The following ATF6 variants were observed in gnomAD, a reference collection of about 807,000 sequenced individuals.
The protein encoded by ATF6 is activating transcription factor 6.
Under a neutral mutation model 83.6 loss-of-function variants are expected in ATF6, and 53 were observed. The ratio of observed to expected loss-of-function variants is 0.63; its 90% CI spans 0.51 to 0.80. The LOEUF is 0.80. Among genes scored for constraint, ATF6 ranks in the 30% least tolerant of loss-of-function variants. The pLI, the probability that ATF6 is intolerant of heterozygous loss-of-function variation, is 0.00. For synonymous variants in ATF6, 288 were observed against 285.8 expected (o/e 1.01, Z -0.08); for missense variants, 744 against 797.9 (o/e 0.93, Z 0.81).
At position 161,778,284 on chromosome 1, in the gene ATF6, T is replaced by C. The variant is rs1290197101; in HGVS notation, c.123T>C (p.Thr41=). ...CTGAACTCGGTTATTTCACAGACAC[T>C]GATGAGCTGCAATTGGAAGCAGCAA... is the stretch of plus-strand genomic sequence containing the variant. The part of the protein sequence containing the change: ...LFAELGYFTD[T]DELQLEAANE... The change falls in exon 2 of 16, where the codon ACT becomes ACC. Residue 41 remains threonine, a synonymous_variant. Transcript: ENST00000367942. The C allele has an allele frequency of 6.2e-7, 1 of 1,613,700 alleles. No individual in the cohort carries two copies. Among genetic ancestry groups the C allele is most frequent in the African/African-American group, 1.3e-5 (1 of 74,908 alleles).
intron 4 of ATF6, among the ~76,000 whole-genome samples, chr1:161,789,128 A>G (rs554714515): frequency 1.3e-5 from 2 of 151,878 alleles, no homozygotes; most frequent in Admixed American, 1.3e-4. Context: ...CCCCTCAAGC[A>G]TTTATCCTTT....
At chr1:161,859,771 A>G (rs76733010) in intron 12 of ATF6, among the ~76,000 whole-genome samples, 1 of 152,262 alleles carries the variant, frequency 6.6e-6, no homozygotes, top group Non-Finnish European at 1.5e-5. Context: ...TAGTTCATAG[A>G]TGTATTTTGG....
intron 1 of ATF6, 80 bp downstream of exon 1, chr1:161,766,522 T>A (rs1684268328): frequency 7.1e-7 from 1 of 1,413,380 alleles, no homozygotes; most frequent in Non-Finnish European, 9.9e-7. Context: ...CGCCCACTCG[T>A]GGTGACAGGT....
At chr1:161,866,363 G>C (rs533420210) in intron 14 of ATF6, among the ~76,000 whole-genome samples, 1 of 152,206 alleles carries the variant, frequency 6.6e-6, no homozygotes, top group South Asian at 2.1e-4. Flanking sequence ...CTTTACAGTT[G>C]AGCGGTTGAA....
chr1:161,905,854 C>T (rs1342937706), intron 14 of ATF6, among the ~76,000 whole-genome samples: 3 of 151,412 alleles, frequency 2.0e-5, no homozygotes, highest in East Asian at 1.9e-4. Flanking sequence ...TTTTTTGAGA[C>T]GGAGTTTCGC....
intron 14 of ATF6, among the ~76,000 whole-genome samples, chr1:161,864,693 C>CAAAA (rs1686953440): frequency 6.6e-6 from 1 of 152,160 alleles, no homozygotes; most frequent in South Asian, 2.1e-4. Flanking sequence ...ACAAAATTCC[C>CAAAA]TGTGTTCACC....
At chr1:161,798,425 A>G (rs1685070045) in intron 6 of ATF6, among the ~76,000 whole-genome samples, 1 of 152,190 alleles carries the variant, frequency 6.6e-6, no homozygotes, top group African/African-American at 2.4e-5. Context: ...CAACCTGGCC[A>G]ATATGGTGAA....
intron 8 of ATF6, among the ~76,000 whole-genome samples, chr1:161,820,725 C>T (rs1468089048): frequency 2.0e-5 from 3 of 151,870 alleles, no homozygotes; most frequent in East Asian, 1.9e-4. Flanking sequence ...TCCAGCTTGG[C>T]GACAAAGTGA....
At chr1:161,876,819 T>G (rs911801185) in intron 14 of ATF6, among the ~76,000 whole-genome samples, 1 of 152,044 alleles carries the variant, frequency 6.6e-6, no homozygotes. Context: ...GTATCTTATA[T>G]GTAGACAGTA....
chr1:161,775,267 C>T (rs1684488232), intron 1 of ATF6, among the ~76,000 whole-genome samples: 1 of 152,190 alleles, frequency 6.6e-6, no homozygotes, highest in African/African-American at 2.4e-5. Context: ...TGTAAAGCCA[C>T]TGCTTCCCAT....
At chr1:161,939,237 A>G (rs538751557) in intron 15 of ATF6, among the ~76,000 whole-genome samples, 2 of 152,230 alleles carry the variant, frequency 1.3e-5, no homozygotes, top group Admixed American at 1.3e-4. Context: ...TCTCAGTCTC[A>G]TTTGACTCTT....
intron 9 of ATF6, among the ~76,000 whole-genome samples, chr1:161,832,866 G>A (rs1461193427): frequency 6.6e-6 from 1 of 152,206 alleles, no homozygotes. Context: ...AATAACCTCT[G>A]CAGACTTAAA....
In ATF6 at chr1:161,802,074, G is replaced by C. The variant is rs1394996059; in HGVS notation, c.711G>C (p.Gln237His). Reference protein sequence around the residue: ...PTKGQTVLLSQPTVVQLQAPG... With the variant: ...PTKGQTVLLSHPTVVQLQAPG... ...CAGGCCAGACGGTTTTGCTGTCTCA[G>C]CCTACTGTGGTACAACTTCAAGCAC... is the stretch of plus-strand genomic sequence containing the variant. The change falls in exon 7 of 16, where the codon CAG (glutamine) becomes CAC (histidine). Residue 237 changes from glutamine (Q) to histidine (H), a missense_variant. Gln to His is a conservative substitution (Grantham distance 24). Transcript: ENST00000367942. 6.2e-7 allele frequency: 1 copy of C among 1,613,906 alleles called. No homozygotes were observed. Among genetic ancestry groups the C allele is most frequent in the African/African-American group, 1.3e-5 (1 of 74,900 alleles).
intron 7 of ATF6, among the ~76,000 whole-genome samples, chr1:161,816,722 CTGTA>C (rs1685622332): frequency 6.6e-6 from 1 of 152,152 alleles, no homozygotes; most frequent in Non-Finnish European, 1.5e-5. Flanking sequence ...TTTTGATACA[CTGTA>C]TGTGCAAAAG....
In ATF6 at chr1:161,852,786, A is replaced by T. The variant is rs962099614; in HGVS notation, c.1434-438A>T. On this transcript the variant is annotated intron_variant, in intron 11 of 15. Transcript: ENST00000367942. ...TGCCACCATGCCCAGTTAATTTTTT[A>T]AAAAAATTTTCTGTAGAGACAGGGT... Among the ~76,000 whole-genome samples, 69 of 151,916 alleles carry T rather than the reference A, an allele frequency of 4.5e-4. 1 individual carries two copies. The highest frequency in any genetic ancestry group is 2.1e-3 in the East Asian group (11 of 5,166).
At chr1:161,810,636 T>TA (rs1423920877) in intron 7 of ATF6, among the ~76,000 whole-genome samples, 1 of 152,098 alleles carries the variant, frequency 6.6e-6, no homozygotes, top group Non-Finnish European at 1.5e-5. Context: ...TTCATTGAGA[T>TA]AAAATGCACA....
At chr1:161,836,883 A>G (rs535178552) in intron 9 of ATF6, among the ~76,000 whole-genome samples, 1 of 152,206 alleles carries the variant, frequency 6.6e-6, no homozygotes, top group Non-Finnish European at 1.5e-5. Flanking sequence ...AAGGAAATTT[A>G]TCTCTTCTGC....
At chr1:161,778,198 A>C (rs1684561126) in intron 1 of ATF6, 46 bp from the exon 2 acceptor site, 1 of 1,506,402 alleles carries the variant, frequency 6.6e-7, no homozygotes. Flanking sequence ...TCTTTGTCAA[A>C]TAATTGAATT....
Position 161,870,645 on chromosome 1 carries a change from A to T in ATF6, c.1719+7333A>T, listed in dbSNP as rs143170698. 9.7e-3 allele frequency among the ~76,000 whole-genome samples: 1,470 copies of T among 151,920 alleles called. 18 individuals carry two copies. The highest frequency in any genetic ancestry group is 0.033 in the African/African-American group (1,391 of 41,538). ...ACTGTTGTGTGGTTTTAGAGGATTC[A>T]ACTATTTGTTCTTTGTCTCTATAAC... On this transcript the variant is annotated intron_variant, in intron 14 of 15. Coordinates refer to ENST00000367942, the MANE Select transcript of ATF6 (RefSeq NM_007348.4).
Sources: allele counts gnomAD v4.1 joint callset (sites outside exome capture counted in the v4.1 genomes callset), GRCh38; gene constraint gnomAD v4.1.1; transcripts MANE v1.5; gene names NCBI Gene and HGNC (gene_info 2026-07-23, HGNC 2026-07-21).